Variants in LRP2 observed in about 807,000 individuals in gnomAD.
The protein encoded by LRP2 is LDL receptor related protein 2.
LRP2 carries 172 observed loss-of-function variants against 531.0 expected under a neutral mutation model. That is an observed-to-expected ratio of 0.32 (90% CI 0.29 to 0.37). The LOEUF (loss-of-function observed/expected upper bound fraction) is 0.37. Ranked by LOEUF, LRP2 falls within the 10% of genes least tolerant of loss-of-function variation. The pLI, the probability that LRP2 is intolerant of heterozygous loss-of-function variation, is 1.00. For synonymous variants in LRP2, 1,992 were observed against 2,027.6 expected, an observed-to-expected ratio of 0.98 and a Z score of 0.47; for missense variants, 5,167 against 5,868.3, an observed-to-expected ratio of 0.88 and a Z score of 3.90.
chr2:169,274,261 G>C lies in LRP2; in HGVS notation c.1975+775C>G, dbSNP rs548468965. 3.1e-4 allele frequency among the ~76,000 whole-genome samples: 47 copies of C among 152,166 alleles called. No individual in the cohort carries two copies. The South Asian group carries it at 8.5e-3, about 28-fold the overall frequency. ...ATACAGTCCTGATAGACTTATCAAA[G>C]CTCAAGCTATAACCTGGAAACATAA... On this transcript the variant is annotated intron_variant, in intron 14 of 78. Transcript: ENST00000649046.
chr2:169,206,789 C>T lies in LRP2; in HGVS notation c.6931G>A (p.Glu2311Lys). Residue 2311 changes from glutamate to lysine, a missense_variant, in exon 39 of 79, where the codon GAG becomes AAG. Glu to Lys is a moderately conservative substitution (Grantham distance 56). This residue lies in a region of LRP2 where 2,811 missense variants were observed against 3,058.0 expected (regional missense o/e 0.92). Coordinates refer to ENST00000649046, the MANE Select transcript of LRP2 (RefSeq NM_004525.3). ...FQASKEPENT[E>K]PPTVIRDNIN... ...TTGTCTCTTATCACTGTGGGTGGCT[C>T]TGTGTTCTCTGGTTCCTTGCTGGCT... 1.9e-6 allele frequency: 3 copies of T among 1,614,132 alleles called. No individual in the cohort carries two copies. Among genetic ancestry groups the T allele is most frequent in the Non-Finnish European group, 2.5e-6 (3 of 1,180,012 alleles).
intron 1 of LRP2, among the ~76,000 whole-genome samples, chr2:169,337,024 A>C (rs1217322454): frequency 2.0e-5 from 3 of 152,152 alleles, no homozygotes; most frequent in African/African-American, 7.2e-5. Context: ...TTATCTAGTT[A>C]AATGGTCCCA....
intron 30 of LRP2, among the ~76,000 whole-genome samples, chr2:169,232,900 A>G (rs562335480): frequency 2.6e-5 from 4 of 152,210 alleles, no homozygotes; most frequent in Non-Finnish European, 4.4e-5. Flanking sequence ...TTAAGTGAAG[A>G]TTAAGTGACT....
intron 76 of LRP2, among the ~76,000 whole-genome samples, chr2:169,135,571 G>A (rs1574060055): frequency 6.6e-6 from 1 of 151,262 alleles, no homozygotes; most frequent in African/African-American, 2.4e-5. Flanking sequence ...TACCCCTTAC[G>A]GTCCTCAATC....
At chr2:169,263,863 T>C (rs909813532) in intron 16 of LRP2, among the ~76,000 whole-genome samples, 29 of 152,018 alleles carry the variant, frequency 1.9e-4, no homozygotes, top group Admixed American at 1.0e-3. Context: ...CCAACAATGA[T>C]AGACTGGATT....
intron 62 of LRP2, among the ~76,000 whole-genome samples, chr2:169,162,845 T>C (rs1022177189): frequency 6.6e-6 from 1 of 152,216 alleles, no homozygotes; most frequent in Non-Finnish European, 1.5e-5. Flanking sequence ...GTGTCTCCTG[T>C]GCTGCTGCAG....
intron 1 of LRP2, among the ~76,000 whole-genome samples, chr2:169,339,818 T>G (rs1477524358): frequency 6.6e-6 from 1 of 152,172 alleles, no homozygotes; most frequent in Non-Finnish European, 1.5e-5. Flanking sequence ...AGACCACATC[T>G]CACAAAAGGA....
chr2:169,316,141 C>CAAAAAA (rs34270545), intron 3 of LRP2, among the ~76,000 whole-genome samples: 1 of 128,664 alleles, frequency 7.8e-6, no homozygotes, highest in African/African-American at 2.8e-5. Flanking sequence ...GACCCTGTCT[C>CAAAAAA]AAAAAAAAAA....
intron 1 of LRP2, among the ~76,000 whole-genome samples, chr2:169,344,419 G>A (rs757232456): frequency 5.9e-5 from 9 of 152,034 alleles, no homozygotes; most frequent in Non-Finnish European, 1.2e-4. Context: ...TTTCATTGGA[G>A]ACAAAGACAT....
In LRP2 at chr2:169,320,639, A is replaced by G. The variant is rs2105515938; in HGVS notation, c.187+138T>C. 5.4e-6 allele frequency: 4 copies of G among 737,260 alleles called. No individual in the cohort carries two copies. In the South Asian group the frequency reaches 5.9e-5, roughly 11 times the overall value. The allele number at this position is 737,260 out of a possible 1,614,324, so 45.7% of individuals were successfully genotyped here. The stretch of plus-strand genomic sequence containing the variant: ...AATGCCATCAGTTCTCTATTCAACC[A>G]CACAGATCTCAAAAGACTTGGGCCC... On this transcript the variant is annotated intron_variant, in intron 2 of 78. Coordinates refer to ENST00000649046, the MANE Select transcript of LRP2 (RefSeq NM_004525.3).
intron 19 of LRP2, among the ~76,000 whole-genome samples, chr2:169,255,218 T>C (rs1179452721): frequency 2.6e-5 from 4 of 152,176 alleles, no homozygotes; most frequent in African/African-American, 7.2e-5. Context: ...AATCATGGTT[T>C]GTCAAACAGA....
In LRP2 at chr2:169,246,741, G is replaced by C. The variant is rs764513012; in HGVS notation, c.3154C>G (p.His1052Asp). 6.8e-6 allele frequency: 11 copies of C among 1,614,060 alleles called. No homozygotes were observed. The highest frequency in any genetic ancestry group is 8.5e-6 in the Non-Finnish European group (10 of 1,180,014). The change falls in exon 21 of 79, where the codon CAT (histidine) becomes GAT (aspartate). Residue 1052 changes from histidine to aspartate, a missense_variant. Coordinates refer to ENST00000649046, the MANE Select transcript of LRP2 (RefSeq NM_004525.3). The stretch of plus-strand genomic sequence containing the variant: ...CATAGTTGCTCATCACTGTTATCAT[G>C]ACAATCATCGACTCCATCACAGAGA... ...YYLCDGVDDC[H>D]DNSDEQLCGT...
intron 9 of LRP2, among the ~76,000 whole-genome samples, chr2:169,286,865 C>G (rs879417951): frequency 2.0e-5 from 3 of 152,190 alleles, no homozygotes; most frequent in African/African-American, 4.8e-5. Flanking sequence ...TGATGTAATA[C>G]TGAGAATGTG....
Position 169,235,967 on chromosome 2 carries a change from A to G in LRP2, c.4793T>C (p.Phe1598Ser), listed in dbSNP as rs984807158. Residue 1598 changes from phenylalanine to serine, a missense_variant, in exon 29 of 79, where the codon TTC (phenylalanine) becomes TCC (serine). Around this residue, in one of 6 missense-constraint regions of LRP2, gnomAD observed 2,811 missense variants for 3,058.0 expected, o/e 0.92. Transcript: ENST00000649046. ...MRTVIVQDKI[F>S]WPCGLTIDYP... Reference sequence around the variant, plus strand: ...GTCAATAGTTAAGCCGCAGGGCCAGAAGATCTTGTCCTGGACAATGACAGT... The same window carrying G: ...GTCAATAGTTAAGCCGCAGGGCCAGGAGATCTTGTCCTGGACAATGACAGT... 6.2e-7 allele frequency: 1 copy of G among 1,614,212 alleles called. No individual in the cohort carries two copies. Among genetic ancestry groups the G allele is most frequent in the South Asian group, 1.1e-5 (1 of 91,088 alleles).
intron 30 of LRP2, 131 bp downstream of exon 30, chr2:169,233,280 G>C (rs999547664): frequency 1.1e-6 from 1 of 925,232 alleles, no homozygotes; most frequent in Non-Finnish European, 1.8e-6. Context: ...GTATATAGTG[G>C]GGTGGTTTGT....
At chr2:169,270,768 A>G (rs1294717768) in intron 16 of LRP2, 136 bp downstream of exon 16, 7 of 330,888 alleles carry the variant, frequency 2.1e-5, no homozygotes, top group African/African-American at 1.4e-4. Context: ...ATAAATAAAT[A>G]AATAAATAAA....
chr2:169,174,962 G>C (rs1482271302), intron 55 of LRP2, among the ~76,000 whole-genome samples: 1 of 147,590 alleles, frequency 6.8e-6, no homozygotes, highest in Non-Finnish European at 1.5e-5. Context: ...AGAGCCACCA[G>C]TAGAGACAAC....
Position 169,201,854 on chromosome 2 carries a change from T to A in LRP2, c.8226A>T (p.Ser2742=). 1 of 1,614,156 alleles carries A rather than the reference T, an allele frequency of 6.2e-7. No homozygotes were observed. The highest frequency in any genetic ancestry group is 8.5e-7 in the Non-Finnish European group (1 of 1,180,016). ...MESVCALHTC[S]PTAFTCANGR... is the part of the protein sequence containing the mutation. Reference sequence around the variant, plus strand: ...CATTGGCACAGGTGAAGGCTGTCGGTGAGCAGGTGTGAAGTGCTAAGAACA... The same window carrying A: ...CATTGGCACAGGTGAAGGCTGTCGGAGAGCAGGTGTGAAGTGCTAAGAACA... The change falls in exon 44 of 79, where the codon TCA becomes TCT. Residue 2742 remains serine, a synonymous_variant. Transcript: ENST00000649046.
intron 32 of LRP2, among the ~76,000 whole-genome samples, chr2:169,226,144 C>A (rs1689193315): frequency 6.6e-6 from 1 of 152,252 alleles, no homozygotes. Context: ...CAGTGCAGGG[C>A]AAATCATAGG....
Sources: gnomAD v4.1 joint callset for allele counts (sites outside exome capture counted in the v4.1 genomes callset) on GRCh38, gnomAD v4.1.1 for gene constraint, gnomAD v4.1.1 regional missense constraint, MANE v1.5 for transcripts, NCBI Gene and HGNC (gene_info 2026-07-23, HGNC 2026-07-21) for gene names.